Variants in EMC7 observed in about 807,000 individuals in gnomAD.
EMC7 encodes the protein ER membrane protein complex subunit 7.
A neutral mutation model predicts 24.4 loss-of-function variants in EMC7; 4 were observed. The observed-to-expected ratio is 0.16, with a 90% CI of 0.08 to 0.38. The LOEUF is 0.38. Among genes scored for constraint, EMC7 ranks in the 10% least tolerant of loss-of-function variants. EMC7 has a pLI of 1.00. For synonymous variants in EMC7, 106 were observed against 112.0 expected, an observed-to-expected ratio of 0.95 and a Z score of 0.34; for missense variants, 221 against 300.6, an observed-to-expected ratio of 0.74 and a Z score of 1.96.
intron 1 of EMC7, among the ~76,000 whole-genome samples, chr15:34,097,505 ATCC>A (rs1372844282): frequency 1.3e-5 from 2 of 152,192 alleles, no homozygotes; most frequent in African/African-American, 4.8e-5. Context: ...TTAGAAAACC[ATCC>A]TATCAAGAGC....
At chr15:34,088,829 T>C (rs1328180313) in intron 3 of EMC7, among the ~76,000 whole-genome samples, 2 of 152,130 alleles carry the variant, frequency 1.3e-5, no homozygotes, top group Non-Finnish European at 2.9e-5. Flanking sequence ...GCAAGGATTA[T>C]GACCAAAACT....
intron 4 of EMC7, chr15:34,086,308 C>A: frequency 4.0e-6 from 1 of 247,136 alleles, no homozygotes; most frequent in South Asian, 5.6e-5. Context: ...GATCTGAGGG[C>A]AGCCATGATG....
At chr15:34,096,276 T>G (rs1412773353) in intron 1 of EMC7, among the ~76,000 whole-genome samples, 4 of 152,204 alleles carry the variant, frequency 2.6e-5, no homozygotes, top group African/African-American at 9.6e-5. Flanking sequence ...GTTCGAGCGA[T>G]TCTCCTGCCT....
chr15:34,099,316 A>G (rs927118202), intron 1 of EMC7, among the ~76,000 whole-genome samples: 2 of 152,202 alleles, frequency 1.3e-5, no homozygotes, highest in Non-Finnish European at 2.9e-5. Flanking sequence ...TAATATTACT[A>G]TGTAAACAAA....
chr15:34,093,056 AC>A (rs1253998460), intron 2 of EMC7, among the ~76,000 whole-genome samples: 11 of 152,146 alleles, frequency 7.2e-5, no homozygotes, highest in Non-Finnish European at 1.3e-4. Flanking sequence ...TAAATTCTGT[AC>A]TAAGCATAAA....
At chr15:34,099,061 T>G (rs1057110983) in intron 1 of EMC7, among the ~76,000 whole-genome samples, 3 of 152,036 alleles carry the variant, frequency 2.0e-5, no homozygotes, top group African/African-American at 7.2e-5. Flanking sequence ...GACTGTTAGA[T>G]GATATTAAGG....
rs144814003 is a variant in EMC7, at chr15:34,099,628, CG to C, written c.236+1975del. On this transcript the variant is annotated intron_variant, in intron 1 of 4. Coordinates refer to ENST00000256545, the MANE Select transcript of EMC7 (RefSeq NM_020154.3). ...CAATGTTTCTTTTTTTCCTGAGAGA[CG>C]GGGTTTTGCTCTGTAGCCCAGGCTG... Among the ~76,000 whole-genome samples, 744 of 152,238 alleles carry C rather than the reference CG, an allele frequency of 4.9e-3. 10 individuals carry two copies. The highest frequency in any genetic ancestry group is 0.017 in the African/African-American group (709 of 41,538).
At chr15:34,084,622 C>A (rs1900846049) in intron 4 of EMC7, 136 bp from the exon 5 acceptor site, 1 of 828,860 alleles carries the variant, frequency 1.2e-6, no homozygotes. Flanking sequence ...ACATCATACT[C>A]AGTAGTACTT....
intron 4 of EMC7, chr15:34,086,140 C>T: frequency 2.5e-6 from 1 of 397,062 alleles, no homozygotes; most frequent in South Asian, 2.1e-5. Context: ...CTCCCATAAC[C>T]AATGTTGGGG....
chr15:34,092,481 T>C (rs1212071687), intron 2 of EMC7, among the ~76,000 whole-genome samples: 1 of 152,054 alleles, frequency 6.6e-6, no homozygotes, highest in African/African-American at 2.4e-5. Context: ...CCTGAGTAGC[T>C]GGAATTACAG....
intron 3 of EMC7, among the ~76,000 whole-genome samples, chr15:34,089,088 C>T (rs1266338244): frequency 6.6e-6 from 1 of 152,236 alleles, no homozygotes; most frequent in South Asian, 2.1e-4. Flanking sequence ...GAACTCCTGA[C>T]CTTGTGATCC....
chr15:34,093,806 C>CACACACACACACACATATAT (rs61440619), intron 2 of EMC7, among the ~76,000 whole-genome samples: 2 of 30,248 alleles, frequency 6.6e-5, no homozygotes, highest in Non-Finnish European at 1.6e-4. Flanking sequence ...CACACACACA[C>CACACACACACACACATATAT]ATATATATAT....
At chr15:34,085,843 T>A (rs1900874023) in intron 4 of EMC7, 1 of 151,446 alleles carries the variant, frequency 6.6e-6, no homozygotes, top group Non-Finnish European at 1.5e-5. Flanking sequence ...TCCCCTTTTT[T>A]TTTTTTTTTT....
Position 34,084,567 on chromosome 15 carries a change from A to AAGGAG in EMC7, c.577-86_577-82dup, listed in dbSNP as rs1321408827. 1.5e-5 allele frequency: 23 copies of AAGGAG among 1,488,122 alleles called. No individual in the cohort carries two copies. The East Asian group carries it at 5.3e-4, about 34-fold the overall frequency. The allele number at this position is 1,488,122 out of a possible 1,614,324, so 92.2% of individuals were successfully genotyped here. A position where few individuals can be genotyped will look rare whatever the true frequency, so the allele number is the denominator to read the frequency against. ...AACACTTCCTATTAAGGAAAAAGTAAAGGAGTAGAACAAGTGAAAGGTACT... is the reference window on the plus strand; with the variant it reads ...AACACTTCCTATTAAGGAAAAAGTAAAGGAGAGGAGTAGAACAAGTGAAAGGTACT... On this transcript the variant is annotated intron_variant, in intron 4 of 4. Coordinates refer to ENST00000256545, the MANE Select transcript of EMC7 (RefSeq NM_020154.3).
chr15:34,091,716 C>T (rs1900976375), intron 2 of EMC7, among the ~76,000 whole-genome samples: 1 of 152,138 alleles, frequency 6.6e-6, no homozygotes, highest in Non-Finnish European at 1.5e-5. Flanking sequence ...CAAGCAAGCC[C>T]ATGGCTTGCC....
At chr15:34,088,887 G>A (rs1597403987) in intron 3 of EMC7, among the ~76,000 whole-genome samples, 1 of 151,952 alleles carries the variant, frequency 6.6e-6, no homozygotes, top group East Asian at 1.9e-4. Flanking sequence ...ACACGGTCTC[G>A]CTCTGTTCCC....
chr15:34,098,972 T>G (rs950755683), intron 1 of EMC7, among the ~76,000 whole-genome samples: 3 of 152,200 alleles, frequency 2.0e-5, no homozygotes, highest in African/African-American at 7.2e-5. Context: ...CTACAAAATG[T>G]AGGCCTTATT....
intron 1 of EMC7, among the ~76,000 whole-genome samples, chr15:34,096,677 CCAA>C (rs1012895156): frequency 5.9e-5 from 9 of 151,996 alleles, no homozygotes; most frequent in African/African-American, 2.2e-4. Flanking sequence ...CCAGTCACCC[CCAA>C]CAACTTCTTA....
intron 2 of EMC7, among the ~76,000 whole-genome samples, chr15:34,092,885 A>G (rs900817205): frequency 6.6e-6 from 1 of 152,142 alleles, no homozygotes; most frequent in African/African-American, 2.4e-5. Flanking sequence ...AAAATACTGT[A>G]AGTCAAAAAT....
Sources: gnomAD v4.1 joint callset for allele counts (sites outside exome capture counted in the v4.1 genomes callset) on GRCh38, gnomAD v4.1.1 for gene constraint, MANE v1.5 for transcripts, NCBI Gene and HGNC (gene_info 2026-07-23, HGNC 2026-07-21) for gene names.